PDZRN4: variants seen among roughly 807,000 people sequenced by gnomAD.
PDZRN4 encodes the protein PDZ domain-containing RING finger protein 4.
A neutral mutation model predicts 99.0 loss-of-function variants in PDZRN4; 70 were observed. That is an observed-to-expected ratio of 0.71 (90% CI 0.58 to 0.86). The LOEUF (loss-of-function observed/expected upper bound fraction) is 0.86, where lower values mean the gene tolerates loss of function less well. Ranked by LOEUF, PDZRN4 falls within the 40% of genes least tolerant of loss-of-function variation. The probability of loss-of-function intolerance (pLI) is 0.00; values close to 1 mark genes in which losing one functional copy is unlikely to be tolerated. For missense variants in PDZRN4, 1,474 were observed against 1,331.2 expected, an observed-to-expected ratio of 1.11 and a Z score of -1.67; for synonymous variants, 551 against 501.6, an observed-to-expected ratio of 1.10 and a Z score of -1.32.
intron 3 of PDZRN4, among the ~76,000 whole-genome samples, chr12:41,439,074 C>T (rs899485809): frequency 3.9e-5 from 6 of 152,148 alleles, no homozygotes; most frequent in Non-Finnish European, 5.9e-5. Context: ...CATGAAACAG[C>T]CTCCTCAGTT....
intron 5 of PDZRN4, among the ~76,000 whole-genome samples, chr12:41,532,739 T>C (rs1250624044): frequency 1.3e-5 from 2 of 152,204 alleles, no homozygotes; most frequent in Non-Finnish European, 2.9e-5. Context: ...AACTTCTTTG[T>C]GCCTCAGCGT....
At chr12:41,274,087 T>A (rs1566413273) in intron 3 of PDZRN4, among the ~76,000 whole-genome samples, 1 of 152,106 alleles carries the variant, frequency 6.6e-6, no homozygotes, top group Non-Finnish European at 1.5e-5. Flanking sequence ...CATTATATAT[T>A]TTTTTCATTT....
chr12:41,509,591 C>T (rs1938270570), intron 4 of PDZRN4: 2 of 358,248 alleles, frequency 5.6e-6, no homozygotes, highest in Non-Finnish European at 1.0e-5. Context: ...ACCATAGGCC[C>T]TTATTCCTAG....
rs1355935428 is a variant in PDZRN4 at position 41,509,733 on chromosome 12, G to A, written c.1101-78G>A. The A allele has an allele frequency of 5.8e-6, 4 of 693,180 alleles. No individual in the cohort carries two copies. In the Admixed American group the frequency reaches 7.4e-5, roughly 13 times the overall value. The allele number at this position is 693,180 out of a possible 1,614,324, so 42.9% of individuals were successfully genotyped here. ...TTATTCCAAAGCAGAGCAAACTAAA[G>A]TGAAATTCTAAAATCAGTTTTAATC... On this transcript the variant is annotated intron_variant, in intron 4 of 9. Coordinates refer to ENST00000402685, the MANE Select transcript of PDZRN4 (RefSeq NM_001164595.2).
At position 41,189,912 on chromosome 12, in the gene PDZRN4, C is replaced by T. The variant is rs76739985; in HGVS notation, c.648+809C>T. Among the ~76,000 whole-genome samples, 1,361 of 152,236 alleles carry T rather than the reference C, an allele frequency of 8.9e-3. 21 individuals carry two copies. The highest frequency in any genetic ancestry group is 0.032 in the African/African-American group (1,322 of 41,556). On this transcript the variant is annotated intron_variant, in intron 1 of 9. Coordinates refer to ENST00000402685, the MANE Select transcript of PDZRN4 (RefSeq NM_001164595.2). ...CCTTCTTTGTCTAAGCTGCTGGCCCCGAACTGCGCTCCTGGTCCTCCCGCC... is the reference window on the plus strand; with the variant it reads ...CCTTCTTTGTCTAAGCTGCTGGCCCTGAACTGCGCTCCTGGTCCTCCCGCC...
chr12:41,523,583 G>A (rs910570117), intron 5 of PDZRN4, among the ~76,000 whole-genome samples: 1 of 152,064 alleles, frequency 6.6e-6, no homozygotes, highest in African/African-American at 2.4e-5. Context: ...GGGAACACAG[G>A]GGGCAACAAC....
chr12:41,308,466 T>C (rs1347967092), intron 3 of PDZRN4, among the ~76,000 whole-genome samples: 1 of 152,122 alleles, frequency 6.6e-6, no homozygotes, highest in Non-Finnish European at 1.5e-5. Context: ...CATTCTTTGT[T>C]TGAAAAAAGT....
rs771167074 is a variant in PDZRN4, at chr12:41,567,784, T to A, written c.1469T>A (p.Leu490Gln). The change falls in exon 9 of 10, where the codon CTG becomes CAG. Residue 490 changes from leucine to glutamine, a missense_variant and splice_region_variant. Physicochemically the swap from Leu to Gln is moderately radical, Grantham distance 113. Coordinates refer to ENST00000402685, the MANE Select transcript of PDZRN4 (RefSeq NM_001164595.2). ...VLLVARPEIQLDEGWLEDERN... is the reference protein window; with the variant it reads ...VLLVARPEIQQDEGWLEDERN... ...ATGTACTAATGTATTCTTTTGCAGCTGGATGAAGGCTGGCTGGAAGATGAA... is the reference window on the plus strand; with the variant it reads ...ATGTACTAATGTATTCTTTTGCAGCAGGATGAAGGCTGGCTGGAAGATGAA... The A allele has an allele frequency of 1.2e-6, 2 of 1,601,838 alleles. No individual in the cohort carries two copies. The highest frequency in any genetic ancestry group is 2.2e-5 in the South Asian group (2 of 90,386).
At chr12:41,196,110 T>A (rs1950770949) in intron 3 of PDZRN4, among the ~76,000 whole-genome samples, 1 of 152,124 alleles carries the variant, frequency 6.6e-6, no homozygotes, top group Non-Finnish European at 1.5e-5. Flanking sequence ...CTGTTTTTTT[T>A]AAAGAGGTAA....
chr12:41,310,544 C>A (rs1019306013), intron 3 of PDZRN4, among the ~76,000 whole-genome samples: 1 of 152,018 alleles, frequency 6.6e-6, no homozygotes, highest in Non-Finnish European at 1.5e-5. Context: ...ATCCTTAGGA[C>A]CTAAGTACAT....
At chr12:41,474,391 T>C (rs935606008) in intron 3 of PDZRN4, among the ~76,000 whole-genome samples, 1 of 152,234 alleles carries the variant, frequency 6.6e-6, no homozygotes, top group South Asian at 2.1e-4. Flanking sequence ...ATCTAAGCAC[T>C]TGGCAAAAAT....
intron 6 of PDZRN4, 79 bp from the exon 7 acceptor site, chr12:41,555,619 T>C (rs1696394096): frequency 9.1e-7 from 1 of 1,098,156 alleles, no homozygotes; most frequent in Admixed American, 1.9e-5. Flanking sequence ...TTTTTCAAAA[T>C]ATATTTTAAA....
intron 3 of PDZRN4, among the ~76,000 whole-genome samples, chr12:41,278,433 A>C (rs868400449): frequency 1.2e-4 from 18 of 152,226 alleles, no homozygotes; most frequent in Admixed American, 3.3e-4. Flanking sequence ...TTAAATGAAC[A>C]GGTTTATTGA....
intron 3 of PDZRN4, among the ~76,000 whole-genome samples, chr12:41,421,901 C>G (rs1486804047): frequency 1.3e-5 from 2 of 152,140 alleles, no homozygotes; most frequent in African/African-American, 4.8e-5. Context: ...AAATAGATCT[C>G]TTGACAAGCT....
chr12:41,266,565 A>G (rs1951278599), intron 3 of PDZRN4, among the ~76,000 whole-genome samples: 1 of 152,242 alleles, frequency 6.6e-6, no homozygotes, highest in South Asian at 2.1e-4. Context: ...CACCTTAGGA[A>G]AAGATACTTT....
chr12:41,545,945 G>A lies in PDZRN4; in HGVS notation c.1204-6711G>A, dbSNP rs528414286. On this transcript the variant is annotated intron_variant, in intron 5 of 9. Coordinates refer to ENST00000402685, the MANE Select transcript of PDZRN4 (RefSeq NM_001164595.2). ...AGTTGAGGTCATAATAATCCACTAGGATCCAGTGAACTATCAGATAACGTC... is the reference window on the plus strand; with the variant it reads ...AGTTGAGGTCATAATAATCCACTAGAATCCAGTGAACTATCAGATAACGTC... 9.2e-4 allele frequency among the ~76,000 whole-genome samples: 140 copies of A among 152,074 alleles called. 1 individual carries two copies. The highest frequency in any genetic ancestry group is 3.4e-3 in the Middle Eastern group (1 of 294).
chr12:41,262,951 C>T (rs1320440032), intron 3 of PDZRN4, among the ~76,000 whole-genome samples: 1 of 149,068 alleles, frequency 6.7e-6, no homozygotes, highest in Non-Finnish European at 1.5e-5. Flanking sequence ...ATAAAAAATA[C>T]TGTATATATG....
At chr12:41,355,032 G>C (rs1951916517) in intron 3 of PDZRN4, among the ~76,000 whole-genome samples, 1 of 152,044 alleles carries the variant, frequency 6.6e-6, no homozygotes, top group African/African-American at 2.4e-5. Flanking sequence ...GTTTAATCAA[G>C]AGTCTTGTTT....
intron 3 of PDZRN4, among the ~76,000 whole-genome samples, chr12:41,450,193 A>G (rs1166003541): frequency 6.6e-6 from 1 of 152,084 alleles, no homozygotes; most frequent in Admixed American, 6.6e-5. Flanking sequence ...ATAACTCAAA[A>G]CCATATTTCT....
Sources: allele counts gnomAD v4.1 joint callset (sites outside exome capture counted in the v4.1 genomes callset), GRCh38; gene constraint gnomAD v4.1.1; transcripts MANE v1.5; gene names NCBI Gene and HGNC (gene_info 2026-07-23, HGNC 2026-07-21).